NEIL3: variants seen among roughly 807,000 people sequenced by gnomAD.
NEIL3 encodes the protein endonuclease 8-like 3.
Under a neutral mutation model 57.5 loss-of-function variants are expected in NEIL3, and 48 were observed. The observed-to-expected ratio is 0.83, with a 90% CI of 0.66 to 1.06. NEIL3 has a LOEUF of 1.06. Among genes scored for constraint, NEIL3 ranks in the 50% least tolerant of loss-of-function variants. The probability of loss-of-function intolerance (pLI) is 0.00; values close to 1 mark genes in which losing one functional copy is unlikely to be tolerated. For synonymous variants in NEIL3, 261 were observed against 253.2 expected (o/e 1.03, Z -0.29); for missense variants, 717 against 739.1 (o/e 0.97, Z 0.35).
chr4:177,338,690 T>C (rs34819479), intron 4 of NEIL3, among the ~76,000 whole-genome samples: 1 of 152,360 alleles, frequency 6.6e-6, no homozygotes, highest in East Asian at 1.9e-4. Context: ...AAAAAAATTC[T>C]TCAGTAAGGT....
Position 177,311,845 on chromosome 4 carries a change from G to A in NEIL3, c.156+1736G>A, listed in dbSNP as rs574257117. Among the ~76,000 whole-genome samples, 494 of 152,190 alleles carry A rather than the reference G, an allele frequency of 3.2e-3. 1 individual carries two copies. The highest frequency in any genetic ancestry group is 5.2e-3 in the Non-Finnish European group (352 of 68,002). ...AAATTTGGGGTCAAGTGCTGGTGGT[G>A]GAGATGAAGACAAGAGAATCACTAT... On this transcript the variant is annotated intron_variant, in intron 1 of 9. Coordinates refer to ENST00000264596, the MANE Select transcript of NEIL3 (RefSeq NM_018248.3).
At chr4:177,358,192 G>A (rs1435821812) in intron 8 of NEIL3, among the ~76,000 whole-genome samples, 6 of 152,216 alleles carry the variant, frequency 3.9e-5, no homozygotes, top group Admixed American at 6.5e-5. Context: ...AGGAGTAGGG[G>A]TGGATATGTC....
At position 177,354,770 on chromosome 4, in the gene NEIL3, C is replaced by T. The variant is rs544926391; in HGVS notation, c.1460+1042C>T. 2.6e-5 allele frequency among the ~76,000 whole-genome samples: 4 copies of T among 152,330 alleles called. No homozygotes were observed. In the South Asian group the frequency reaches 8.3e-4, roughly 32 times the overall value. On this transcript the variant is annotated intron_variant, in intron 8 of 9. Coordinates refer to ENST00000264596, the MANE Select transcript of NEIL3 (RefSeq NM_018248.3). ...GTGCTGGGATTACAGGCGTGAGCCA[C>T]TACGCCTGGCGTTGTTCTTTAACTA...
Position 177,309,877 on chromosome 4 carries a change from G to C in NEIL3, c.-77G>C. 6.6e-7 allele frequency: 1 copy of C among 1,526,274 alleles called. No homozygotes were observed. The highest frequency in any genetic ancestry group is 2.5e-5 in the East Asian group (1 of 39,438). The allele number at this position is 1,526,274 out of a possible 1,614,324, so 94.5% of individuals were successfully genotyped here. The stretch of plus-strand genomic sequence containing the variant: ...TGAATTTCCTCTGCGTGCGGTCAGT[G>C]CCCGCGCAGCGTTGAGTTGCACAGC... On this transcript the variant is annotated 5_prime_UTR_variant, in exon 1 of 10. Transcript: ENST00000264596.
At chr4:177,310,185 T>TA in intron 1 of NEIL3, 76 bp downstream of exon 1, 1 of 1,385,522 alleles carries the variant, frequency 7.2e-7, no homozygotes, top group Non-Finnish European at 9.4e-7. Context: ...GTTCCAGGAT[T>TA]TAAAGTGTCA....
At chr4:177,315,055 C>G (rs1734548342) in intron 1 of NEIL3, among the ~76,000 whole-genome samples, 1 of 122,382 alleles carries the variant, frequency 8.2e-6, no homozygotes, top group Admixed American at 1.0e-4. Flanking sequence ...GGCAACAGAG[C>G]GAGACTCCGT....
chr4:177,351,513 A>G lies in NEIL3; in HGVS notation c.1003A>G (p.Lys335Glu), dbSNP rs776627693. 2.5e-6 allele frequency: 4 copies of G among 1,613,702 alleles called. No individual in the cohort carries two copies. Among genetic ancestry groups the G allele is most frequent in the East Asian group, 2.2e-5 (1 of 44,876 alleles). ...VCTLINKPSS[K>E]ACDACLTSRP... ...TACTTTAATCAATAAGCCCTCTTCTAAGGCATGTGATGCTTGCTTGACCTC... is the reference window on the plus strand; with the variant it reads ...TACTTTAATCAATAAGCCCTCTTCTGAGGCATGTGATGCTTGCTTGACCTC... The change falls in exon 7 of 10, where the codon AAG (lysine) becomes GAG (glutamate). Residue 335 changes from lysine to glutamate, a missense_variant. Lys to Glu is a moderately conservative substitution (Grantham distance 56). Coordinates refer to ENST00000264596, the MANE Select transcript of NEIL3 (RefSeq NM_018248.3).
At position 177,336,004 on chromosome 4, in the gene NEIL3, A is replaced by T. The variant is rs192842063; in HGVS notation, c.414-104A>T. 3,912 of 1,055,370 alleles carry T rather than the reference A, an allele frequency of 3.7e-3. 22 individuals carry two copies. The highest frequency in any genetic ancestry group is 4.2e-3 in the Non-Finnish European group (3,031 of 719,752). 65.4% of individuals were successfully genotyped at this position (1,055,370 alleles called of 1,614,324 possible). On this transcript the variant is annotated intron_variant, in intron 3 of 9. Transcript: ENST00000264596. ...TGTTGTTTGCATATGTAACTCTTAT[A>T]CCCTGATTAACATAAAGTGCTTATA... is the stretch of plus-strand genomic sequence containing the variant.
At chr4:177,366,366 C>T (rs1735692657), downstream of NEIL3, among the ~76,000 whole-genome samples, 1 of 152,110 alleles carries the variant, frequency 6.6e-6, no homozygotes, top group Admixed American at 6.6e-5. Context: ...TTATCTATTA[C>T]CAAATTTGGG....
the NEIL3 span, among the ~76,000 whole-genome samples, chr4:177,369,614 G>A: frequency 5.9e-5 from 9 of 152,302 alleles, no homozygotes; most frequent in Admixed American, 2.6e-4. Flanking sequence ...CCTGCCAGTG[G>A]TGTGGGAGAT....
At position 177,328,509 on chromosome 4, in the gene NEIL3, A is replaced by G. The variant is rs182300509; in HGVS notation, c.278+5929A>G. Among the ~76,000 whole-genome samples, 39 of 152,372 alleles carry G rather than the reference A, an allele frequency of 2.6e-4. 3 individuals are homozygous for G. The East Asian group carries it at 7.5e-3, about 29-fold the overall frequency. ...GCTAAGAAATACATTTACAGAAATTATGTAAGACAGAAGACAACAGAGCAA... is the reference window on the plus strand; with the variant it reads ...GCTAAGAAATACATTTACAGAAATTGTGTAAGACAGAAGACAACAGAGCAA... On this transcript the variant is annotated intron_variant, in intron 2 of 9. Transcript: ENST00000264596.
intron 6 of NEIL3, among the ~76,000 whole-genome samples, chr4:177,344,505 T>G (rs886197462): frequency 6.6e-6 from 1 of 152,166 alleles, no homozygotes; most frequent in Admixed American, 6.5e-5. Context: ...TTTTCCAGTT[T>G]CTACTGATCA....
intron 1 of NEIL3, among the ~76,000 whole-genome samples, chr4:177,319,741 C>T (rs1011924475): frequency 5.9e-5 from 9 of 151,808 alleles, no homozygotes; most frequent in Non-Finnish European, 1.0e-4. Context: ...TCTTTCCTAC[C>T]GAAGAAGCAG....
chr4:177,344,171 AT>A (rs1297155333), intron 6 of NEIL3, among the ~76,000 whole-genome samples: 1 of 152,108 alleles, frequency 6.6e-6, no homozygotes, highest in Non-Finnish European at 1.5e-5. Flanking sequence ...TCCCGACCTG[AT>A]TCTGTTTTCT....
intron 9 of NEIL3, among the ~76,000 whole-genome samples, chr4:177,361,564 C>T (rs1249527072): frequency 1.3e-5 from 2 of 152,098 alleles, no homozygotes; most frequent in East Asian, 3.9e-4. Context: ...CAGATTTCCT[C>T]CTCAAGAAGC....
rs762001004 is a variant in NEIL3, at chr4:177,309,927, C to G, written c.-27C>G. On this transcript the variant is annotated 5_prime_UTR_variant, in exon 1 of 10. The change creates a new upstream start codon in the 5' untranslated region. Coordinates refer to ENST00000264596, the MANE Select transcript of NEIL3 (RefSeq NM_018248.3). Reference sequence around the variant, plus strand: ...CGGTATTCTCACCAGGCCCTGCAATCGGTGGGCCACAGTGCCGGCCACAGA... The same window carrying G: ...CGGTATTCTCACCAGGCCCTGCAATGGGTGGGCCACAGTGCCGGCCACAGA... 5 of 1,599,518 alleles carry G rather than the reference C, an allele frequency of 3.1e-6. No individual in the cohort carries two copies. The highest frequency in any genetic ancestry group is 1.4e-5 in the African/African-American group (1 of 73,936).
intron 1 of NEIL3, among the ~76,000 whole-genome samples, chr4:177,312,271 G>A (rs757457830): frequency 5.9e-5 from 9 of 152,046 alleles, no homozygotes; most frequent in Non-Finnish European, 1.2e-4. Flanking sequence ...CTAAACCAGG[G>A]TTTGATTTTT....
At chr4:177,348,203 C>T (rs1244927968) in intron 6 of NEIL3, among the ~76,000 whole-genome samples, 1 of 152,180 alleles carries the variant, frequency 6.6e-6, no homozygotes, top group Non-Finnish European at 1.5e-5. Flanking sequence ...TTCAGTGGGT[C>T]TGAGGAGGGG....
rs374562464 is a variant in NEIL3, at chr4:177,349,380, CT to C, written c.870-1997del. On this transcript the variant is annotated intron_variant, in intron 6 of 9. Coordinates refer to ENST00000264596, the MANE Select transcript of NEIL3 (RefSeq NM_018248.3). ...GGAGGAACTGGGGGGAATCATATTCCTTTCCTCTTCTCGCTTCCGGTGCTGC... is the reference window on the plus strand; with the variant it reads ...GGAGGAACTGGGGGGAATCATATTCCTTCCTCTTCTCGCTTCCGGTGCTGC... 4.5e-3 allele frequency among the ~76,000 whole-genome samples: 685 copies of C among 152,180 alleles called. 5 individuals are homozygous for C. Among genetic ancestry groups the C allele is most frequent in the African/African-American group, 0.016 (648 of 41,530 alleles).
Sources: gnomAD v4.1 joint callset for allele counts (sites outside exome capture counted in the v4.1 genomes callset) on GRCh38, gnomAD v4.1.1 for gene constraint, MANE v1.5 for transcripts, NCBI Gene and HGNC (gene_info 2026-07-23, HGNC 2026-07-21) for gene names.